Variants in CPLANE1 observed in about 807,000 individuals in gnomAD.
CPLANE1 encodes ciliogenesis and planar polarity effector 1.
In CPLANE1, 263 loss-of-function variants were observed where a neutral mutation model predicts 362.5. That is an observed-to-expected ratio of 0.73 (90% CI 0.66 to 0.80). The LOEUF is 0.80. Among genes scored for constraint, CPLANE1 ranks in the 30% least tolerant of loss-of-function variants. CPLANE1 has a pLI of 0.00. For missense variants in CPLANE1, 3,461 were observed against 3,793.4 expected, an observed-to-expected ratio of 0.91 and a Z score of 2.30; for synonymous variants, 1,212 against 1,302.6, an observed-to-expected ratio of 0.93 and a Z score of 1.50.
At chr5:37,089,258 C>A in the CPLANE1 span, among the ~76,000 whole-genome samples, 512 of 152,194 alleles carry the variant, frequency 3.4e-3, 2 homozygotes, top group African/African-American at 0.012. Context: ...AGCACACGCC[C>A]CCTAACATGC....
chr5:37,244,810 AC>A (rs953323046), intron 4 of CPLANE1, among the ~76,000 whole-genome samples: 2 of 152,018 alleles, frequency 1.3e-5, no homozygotes, highest in Non-Finnish European at 2.9e-5. Flanking sequence ...GCTTAAGGAG[AC>A]GGATCGCTTT....
At chr5:37,155,574 T>C (rs1486482421) in intron 41 of CPLANE1, among the ~76,000 whole-genome samples, 1 of 152,288 alleles carries the variant, frequency 6.6e-6, no homozygotes, top group East Asian at 1.9e-4. Context: ...AGGGTCTCAC[T>C]ATGTTGCCAA....
intron 32 of CPLANE1, among the ~76,000 whole-genome samples, chr5:37,171,583 G>C (rs1348716864): frequency 6.6e-6 from 1 of 152,042 alleles, no homozygotes; most frequent in Non-Finnish European, 1.5e-5. Flanking sequence ...CAAACCAATA[G>C]GGAAATAGTG....
At position 37,238,494 on chromosome 5, in the gene CPLANE1, T is replaced by TTC. The variant is rs1799546531; in HGVS notation, c.938+362_938+363insGA. Among the ~76,000 whole-genome samples the TTC allele has an allele frequency of 5.8e-5, 8 of 138,806 alleles. No individual in the cohort carries two copies. The South Asian group carries it at 1.9e-3, about 34-fold the overall frequency. The allele number at this position is 138,806 out of a possible 152,430, so 91.1% of individuals were successfully genotyped here. On this transcript the variant is annotated intron_variant, in intron 8 of 52. Transcript: ENST00000651892. Reference sequence around the variant, plus strand: ...CACAGCGCCCAGCCTTTTCTTTTTTTTTTTTTTTTTTTTTTTTTGAGATAG... The same window carrying TTC: ...CACAGCGCCCAGCCTTTTCTTTTTTTTCTTTTTTTTTTTTTTTTTTGAGATAG...
At position 37,114,967 on chromosome 5, in the gene CPLANE1, G is replaced by A. The variant is rs1474035825; in HGVS notation, c.9393C>T (p.Phe3131=). The change falls in exon 51 of 53, where the codon TTC becomes TTT. Residue 3131 remains phenylalanine (F), a synonymous_variant. Coordinates refer to ENST00000651892, the MANE Select transcript of CPLANE1 (RefSeq NM_001384732.1). ...ATCTTCTTTATCCCTTACCTTTTTGGAAGGTAACTGGAGACTGCGTAGCCT... is the reference window on the plus strand; with the variant it reads ...ATCTTCTTTATCCCTTACCTTTTTGAAAGGTAACTGGAGACTGCGTAGCCT... The part of the protein sequence containing the change: ...VRKATQSPVT[F]QKGSNAPCHS... 1.3e-6 allele frequency: 2 copies of A among 1,592,910 alleles called. No individual in the cohort carries two copies. Among genetic ancestry groups the A allele is most frequent in the Non-Finnish European group, 1.7e-6 (2 of 1,163,894 alleles).
chr5:37,247,824 G>A (rs1308445493), intron 1 of CPLANE1, 79 bp from the exon 2 acceptor site: 19 of 1,024,814 alleles, frequency 1.9e-5, no homozygotes, highest in Non-Finnish European at 2.6e-5. Context: ...TGAGACAAGA[G>A]TTTCGTTCTG....
intron 50 of CPLANE1, among the ~76,000 whole-genome samples, chr5:37,117,794 G>A (rs1761457095): frequency 6.6e-6 from 1 of 152,230 alleles, no homozygotes; most frequent in South Asian, 2.1e-4. Flanking sequence ...AATCCAGCAA[G>A]GGCAGGTGAG....
Position 37,205,364 on chromosome 5 carries a change from G to A in CPLANE1, c.3240C>T (p.Ala1080=), listed in dbSNP as rs28514632. ...CCATTTCATTTTTTGCTTCCAAAGA[G>A]GCTGGTTGACCTAAAACACACTGCA... ...EKLQCVLGQP[A]SLEAKNEMGS... Residue 1080 remains alanine (A), a synonymous_variant, in exon 18 of 53, where the codon GCC becomes GCT. Transcript: ENST00000651892. The A allele has an allele frequency of 2.8e-3, 4,393 of 1,550,770 alleles. 123 individuals are homozygous for A. In the African/African-American group the frequency reaches 0.051, roughly 18 times the overall value.
At position 37,108,910 on chromosome 5, in the gene CPLANE1, T is replaced by C. The variant is rs534126491; in HGVS notation, c.9401-439A>G. ...CTGCCTTTAGGCAAAGGCATCACAG[T>C]GAGTGTGGTGACAATACATTATGAC... On this transcript the variant is annotated intron_variant, in intron 51 of 52. Coordinates refer to ENST00000651892, the MANE Select transcript of CPLANE1 (RefSeq NM_001384732.1). Among the ~76,000 whole-genome samples, 3 of 152,340 alleles carry C rather than the reference T, an allele frequency of 2.0e-5. No homozygotes were observed. The South Asian group carries it at 6.2e-4, about 32-fold the overall frequency.
chr5:37,090,993 C>T, the CPLANE1 span, among the ~76,000 whole-genome samples: 2 of 152,170 alleles, frequency 1.3e-5, no homozygotes, highest in African/African-American at 2.4e-5. Flanking sequence ...ACAAGACCTA[C>T]AAGTTATGAC....
In CPLANE1 at chr5:37,213,654, A is replaced by G. The variant is rs1793244133; in HGVS notation, c.2825T>C (p.Met942Thr). 1 of 1,546,046 alleles carries G rather than the reference A, an allele frequency of 6.5e-7. No homozygotes were observed. The highest frequency in any genetic ancestry group is 2.0e-5 in the Admixed American group (1 of 50,670). The change falls in exon 16 of 53, where the codon ATG becomes ACG. Residue 942 changes from methionine (M) to threonine (T), a missense_variant. Around this residue, in one of 2 missense-constraint regions of CPLANE1, gnomAD observed 3,380 missense variants for 3,666.1 expected, o/e 0.92. Coordinates refer to ENST00000651892, the MANE Select transcript of CPLANE1 (RefSeq NM_001384732.1). ...PEAAVRVVQS[M>T]ARFMAAYFTN... The stretch of plus-strand genomic sequence containing the variant: ...GAAATAGGCAGCCATGAAACGAGCC[A>G]TGGACTGGACGACTCTCACTGCTGC...
the CPLANE1 span, among the ~76,000 whole-genome samples, chr5:37,096,866 T>C: frequency 6.6e-6 from 1 of 151,942 alleles, no homozygotes; most frequent in Non-Finnish European, 1.5e-5. Context: ...ACCACCTTAC[T>C]CCTGCAAGAA....
chr5:37,209,495 A>G lies in CPLANE1; in HGVS notation c.2921-3070T>C. The G allele has an allele frequency of 1.6e-6, 2 of 1,276,592 alleles. No homozygotes were observed. The highest frequency in any genetic ancestry group is 2.3e-6 in the Non-Finnish European group (2 of 873,908). The allele number at this position is 1,276,592 out of a possible 1,614,324, so 79.1% of individuals were successfully genotyped here. A position where few individuals can be genotyped will look rare whatever the true frequency, so the allele number is the denominator to read the frequency against. On this transcript the variant is annotated intron_variant, in intron 16 of 52. Coordinates refer to ENST00000651892, the MANE Select transcript of CPLANE1 (RefSeq NM_001384732.1). This position sits in a 1 kb window ranked among gnomAD's most constrained non-coding sequence, Gnocchi z 4.6. ...TCAAGATACAACTTCGAAACCAGCTAATTCATGAGTTAATGCACCCTGTAT... is the reference window on the plus strand; with the variant it reads ...TCAAGATACAACTTCGAAACCAGCTGATTCATGAGTTAATGCACCCTGTAT...
At chr5:37,120,949 ATTTAT>A (rs1389393739) in intron 49 of CPLANE1, among the ~76,000 whole-genome samples, 3 of 152,196 alleles carry the variant, frequency 2.0e-5, no homozygotes, top group East Asian at 3.8e-4. Flanking sequence ...AATTCTAATA[ATTTAT>A]TTTGTCAAAT....
At chr5:37,139,152 T>C (rs890751215) in intron 45 of CPLANE1, among the ~76,000 whole-genome samples, 188 bp downstream of exon 45, 1 of 152,174 alleles carries the variant, frequency 6.6e-6, no homozygotes, top group African/African-American at 2.4e-5. Context: ...TCTAACTACT[T>C]GTGCTAAAAC....
chr5:37,118,248 A>G (rs2150034287), intron 50 of CPLANE1, among the ~76,000 whole-genome samples: 1 of 152,092 alleles, frequency 6.6e-6, no homozygotes, highest in African/African-American at 2.4e-5. Context: ...ATGAACAAAT[A>G]AACAAAAATT....
chr5:37,081,863 GGGCACAGT>G, the CPLANE1 span, among the ~76,000 whole-genome samples: 1 of 151,932 alleles, frequency 6.6e-6, no homozygotes, highest in African/African-American at 2.4e-5. Context: ...GACATTGGCC[GGGCACAGT>G]GGCACACGCC....
intron 51 of CPLANE1, among the ~76,000 whole-genome samples, chr5:37,114,245 T>C (rs1760232107): frequency 6.6e-6 from 1 of 152,232 alleles, no homozygotes; most frequent in Non-Finnish European, 1.5e-5. Context: ...GTGAACACAA[T>C]GCCTGGCATA....
At chr5:37,123,122 T>C (rs1242000051) in intron 47 of CPLANE1, among the ~76,000 whole-genome samples, 1 of 152,188 alleles carries the variant, frequency 6.6e-6, no homozygotes, top group African/African-American at 2.4e-5. Flanking sequence ...AAAATTATCA[T>C]TTTTATGTTT....
Sources: allele counts gnomAD v4.1 joint callset (sites outside exome capture counted in the v4.1 genomes callset), GRCh38; gene constraint gnomAD v4.1.1; regional missense constraint gnomAD v4.1.1; non-coding constraint Gnocchi (gnomAD v3.1); transcripts MANE v1.5; gene names NCBI Gene and HGNC (gene_info 2026-07-23, HGNC 2026-07-21).